Variants in ZNF43 observed in about 807,000 individuals in gnomAD.
ZNF43 encodes zinc finger protein 43.
ZNF43 carries 44 observed loss-of-function variants against 68.4 expected under a neutral mutation model. The ratio of observed to expected loss-of-function variants is 0.64; its 90% CI spans 0.51 to 0.83. The LOEUF is 0.83. ZNF43 is among the 40% of genes least tolerant of loss of function. The pLI, the probability that ZNF43 is intolerant of heterozygous loss-of-function variation, is 0.00. For missense variants in ZNF43, 896 were observed against 933.2 expected (o/e 0.96, Z 0.52); for synonymous variants, 308 against 307.8 (o/e 1.00, Z -0.01).
At chr19:21,837,682 A>G (rs1309056824), upstream of ZNF43, among the ~76,000 whole-genome samples, 3 of 152,130 alleles carry the variant, frequency 2.0e-5, no homozygotes, top group African/African-American at 7.2e-5. Context: ...TATTTTTAGT[A>G]GAGACAGGGT....
chr19:21,844,654 T>C (rs972721986), intron 1 of ZNF43, among the ~76,000 whole-genome samples: 12 of 151,566 alleles, frequency 7.9e-5, no homozygotes, highest in Middle Eastern at 3.4e-3. Context: ...TCCCAGCACT[T>C]TGGGAGACCG....
intron 1 of ZNF43, among the ~76,000 whole-genome samples, chr19:21,824,010 T>A (rs1396685045): frequency 6.6e-6 from 1 of 152,126 alleles, no homozygotes; most frequent in East Asian, 1.9e-4. Context: ...TGAAACCCTG[T>A]CTCTACTAAA....
intron 1 of ZNF43, among the ~76,000 whole-genome samples, chr19:21,831,282 C>T (rs191412354): frequency 6.6e-6 from 1 of 152,264 alleles, no homozygotes; most frequent in East Asian, 1.9e-4. Flanking sequence ...GAAAGAAAGT[C>T]AGACTACTCT....
At chr19:21,834,767 A>AGGATGGAAGCAAGGATGGAT (rs2038610852) in intron 1 of ZNF43, among the ~76,000 whole-genome samples, 1 of 149,074 alleles carries the variant, frequency 6.7e-6, no homozygotes, top group South Asian at 2.1e-4. Context: ...CAAGGATGGA[A>AGGATGGAAGCAAGGATGGAT]AGATGGAAGG....
chr19:21,815,121 G>A (rs575056759), intron 3 of ZNF43, among the ~76,000 whole-genome samples: 3 of 151,870 alleles, frequency 2.0e-5, no homozygotes, highest in Non-Finnish European at 2.9e-5. Context: ...CTGGAGGGGC[G>A]GAGGTTGCAG....
Position 21,817,878 on chromosome 19 carries a change from T to C in ZNF43, c.229+10A>G. The C allele has an allele frequency of 6.2e-7, 1 of 1,610,920 alleles. No individual in the cohort carries two copies. The highest frequency in any genetic ancestry group is 8.5e-7 in the Non-Finnish European group (1 of 1,177,528). ...CTGTGTTTGTTGTATTCACTTTCAC[T>C]CTCACCTACCTGGGGGTTTGGCTAC... On this transcript the variant is annotated intron_variant, in intron 3 of 3. Transcript: ENST00000354959.
At chr19:21,836,299 C>T (rs866723275), upstream of ZNF43, 14 of 1,236,902 alleles carry the variant, frequency 1.1e-5, 1 homozygote, top group South Asian at 1.9e-4. Flanking sequence ...CCCCGCAAAC[C>T]CTGAATGAAA....
intron 3 of ZNF43, among the ~76,000 whole-genome samples, chr19:21,811,549 A>AC (rs957112139): frequency 6.6e-6 from 1 of 150,522 alleles, no homozygotes; most frequent in African/African-American, 2.4e-5. Flanking sequence ...AAAAAAAACA[A>AC]AAAAAAAAAA....
chr19:21,846,383 T>C (rs1967957165), intron 1 of ZNF43, among the ~76,000 whole-genome samples: 1 of 152,212 alleles, frequency 6.6e-6, no homozygotes, highest in Non-Finnish European at 1.5e-5. Context: ...ACCTGTGTGC[T>C]GGGCCAAACA....
upstream of ZNF43, among the ~76,000 whole-genome samples, chr19:21,838,642 C>T (rs989746697): frequency 2.0e-5 from 3 of 152,082 alleles, no homozygotes; most frequent in Non-Finnish European, 4.4e-5. Context: ...TCAGGTGATT[C>T]GCCCGCCTTG....
At chr19:21,819,798 T>C (rs1599476503) in intron 1 of ZNF43, among the ~76,000 whole-genome samples, 1 of 151,782 alleles carries the variant, frequency 6.6e-6, no homozygotes, top group South Asian at 2.1e-4. Flanking sequence ...TAAACAAAGA[T>C]AAGAGCTTTC....
At position 21,809,719 on chromosome 19, in the gene ZNF43, G is replaced by T. The variant is rs2145165945; in HGVS notation, c.318C>A (p.Asn106Lys). Reference sequence around the variant, plus strand: ...TTAAATGTACATTTTTATGTTCACAGTTTTTATATCTTCTCAGTGTCGCTT... The same window carrying T: ...TTAAATGTACATTTTTATGTTCACATTTTTTATATCTTCTCAGTGTCGCTT... ...FQKATLRRYKNCEHKNVHLKK... is the reference protein window; with the variant it reads ...FQKATLRRYKKCEHKNVHLKK... The change falls in exon 4 of 4, where the codon AAC becomes AAA. Residue 106 changes from asparagine (N) to lysine (K), a missense_variant. Asn to Lys is a moderately conservative substitution (Grantham distance 94). Transcript: ENST00000354959. The T allele has an allele frequency of 6.2e-7, 1 of 1,612,356 alleles. No homozygotes were observed. Among genetic ancestry groups the T allele is most frequent in the Middle Eastern group, 1.7e-4 (1 of 6,050 alleles).
chr19:21,830,652 T>TATTC (rs1477765073), intron 1 of ZNF43, among the ~76,000 whole-genome samples: 1 of 145,618 alleles, frequency 6.9e-6, no homozygotes, highest in African/African-American at 2.5e-5. Flanking sequence ...GAATCAGACA[T>TATTC]ATTCACAAAA....
At chr19:21,834,110 G>C (rs368967521) in intron 1 of ZNF43, among the ~76,000 whole-genome samples, 1 of 151,956 alleles carries the variant, frequency 6.6e-6, no homozygotes, top group Non-Finnish European at 1.5e-5. Flanking sequence ...GGCGGAGGCG[G>C]GTGGATCATC....
intron 1 of ZNF43, among the ~76,000 whole-genome samples, chr19:21,844,347 CAAAAAAAAAAAA>C (rs57500822): frequency 1.6e-4 from 7 of 43,162 alleles, no homozygotes; most frequent in Admixed American, 8.4e-4. Flanking sequence ...GACTCTGTCT[CAAAAAAAAAAAA>C]AAAAAAAAAA....
chr19:21,838,692 A>G (rs1967294942), upstream of ZNF43: 2 of 151,996 alleles, frequency 1.3e-5, no homozygotes, highest in Admixed American at 1.3e-4. Flanking sequence ...AAGCCACCGC[A>G]CCCAGGGTAG....
exon 1 of ZNF43, chr19:21,851,920 A>G: frequency 6.3e-7 from 1 of 1,579,572 alleles, no homozygotes; most frequent in East Asian, 2.3e-5. Flanking sequence ...CCCAGCTTCC[A>G]GGATGTCCGG....
chr19:21,818,107 T>A, intron 2 of ZNF43, 121 bp from the exon 3 acceptor site: 4 of 413,910 alleles, frequency 9.7e-6, no homozygotes, highest in Non-Finnish European at 1.4e-5. Context: ...AAAATACTAA[T>A]TTTTTTTTTT....
chr19:21,844,930 A>ATG lies in ZNF43; in HGVS notation c.30+6974_30+6975insCA, dbSNP rs1455489382. 1.6e-5 allele frequency among the ~76,000 whole-genome samples: 2 copies of ATG among 128,108 alleles called. 1 individual carries two copies. The highest frequency in any genetic ancestry group is 6.6e-5 in the African/African-American group (2 of 30,172). The allele number at this position is 128,108 out of a possible 152,430, so 84.0% of individuals were successfully genotyped here. On this transcript the variant is annotated intron_variant, in intron 1 of 3. Transcript: ENST00000357491. ...AAAAAAAAAAAAAAAAAATATATAT[A>ATG]TATATATATATATATATGTTACAAT...
Sources: allele counts gnomAD v4.1 joint callset (sites outside exome capture counted in the v4.1 genomes callset), GRCh38; gene constraint gnomAD v4.1.1; transcripts MANE v1.5; gene names NCBI Gene and HGNC (gene_info 2026-07-23, HGNC 2026-07-21).